The following NRG1 variants were observed in gnomAD, a reference collection of about 807,000 sequenced individuals.
NRG1 encodes pro-neuregulin-1, membrane-bound isoform.
Under a neutral mutation model 63.8 loss-of-function variants are expected in NRG1, and 18 were observed. The observed-to-expected ratio is 0.28, with a 90% confidence interval of 0.19 to 0.42. NRG1 has a LOEUF of 0.42. Among genes scored for constraint, NRG1 ranks in the 10% least tolerant of loss-of-function variants. The pLI, the probability that NRG1 is intolerant of heterozygous loss-of-function variation, is 1.00. For synonymous variants in NRG1, 302 were observed against 301.3 expected (o/e 1.00, Z -0.02); for missense variants, 762 against 814.7 (o/e 0.94, Z 0.79).
At chr8:31,791,818 T>G (rs536855871) in intron 1 of NRG1, among the ~76,000 whole-genome samples, 2 of 152,246 alleles carry the variant, frequency 1.3e-5, no homozygotes, top group South Asian at 4.1e-4. Context: ...TGGAATACAG[T>G]GGGAGATGAA....
At chr8:32,337,086 T>A (rs2129478002) in intron 1 of NRG1, among the ~76,000 whole-genome samples, 1 of 152,156 alleles carries the variant, frequency 6.6e-6, no homozygotes, top group South Asian at 2.1e-4. Context: ...CATAGCCCAC[T>A]ATAATCTCAA....
At chr8:32,765,849 G>T (rs747667822) in exon 12 of NRG1, 6 of 152,058 alleles carry the variant, frequency 3.9e-5, no homozygotes, top group African/African-American at 7.2e-5. Context: ...AGCATTGCAT[G>T]TTCTTTTGTG....
intron 1 of NRG1, among the ~76,000 whole-genome samples, chr8:32,455,622 T>A (rs1369943280): frequency 1.3e-5 from 2 of 152,194 alleles, no homozygotes; most frequent in African/African-American, 4.8e-5. Context: ...AAAATATTTT[T>A]AAAAAATCAA....
chr8:32,501,154 C>G (rs1827806885), intron 1 of NRG1, among the ~76,000 whole-genome samples: 1 of 152,128 alleles, frequency 6.6e-6, no homozygotes, highest in Admixed American at 6.5e-5. Context: ...CTGTGAATGA[C>G]AATGACTTAA....
At chr8:32,480,517 G>T (rs763117962) in intron 1 of NRG1, among the ~76,000 whole-genome samples, 1 of 152,028 alleles carries the variant, frequency 6.6e-6, no homozygotes, top group Non-Finnish European at 1.5e-5. Flanking sequence ...ACGAGGCAAG[G>T]TGATGGAGAT....
At chr8:32,023,933 C>G (rs1586550644) in intron 1 of NRG1, among the ~76,000 whole-genome samples, 1 of 152,130 alleles carries the variant, frequency 6.6e-6, no homozygotes, top group African/African-American at 2.4e-5. Flanking sequence ...ATTGGAATAC[C>G]GCTGGGTTAG....
At chr8:32,465,928 C>T (rs1291311596) in intron 1 of NRG1, among the ~76,000 whole-genome samples, 2 of 152,026 alleles carry the variant, frequency 1.3e-5, no homozygotes, top group African/African-American at 2.4e-5. Context: ...GTTAGCAATA[C>T]AAATAAACAA....
At chr8:31,728,749 A>G (rs1813711372) in intron 1 of NRG1, among the ~76,000 whole-genome samples, 1 of 152,232 alleles carries the variant, frequency 6.6e-6, no homozygotes, top group Non-Finnish European at 1.5e-5. Context: ...AAGAAGGTCA[A>G]AGGTAAATGC....
chr8:32,447,986 G>C (rs1210770696), intron 1 of NRG1, among the ~76,000 whole-genome samples: 1 of 152,096 alleles, frequency 6.6e-6, no homozygotes, highest in Non-Finnish European at 1.5e-5. Context: ...AATTTTTATA[G>C]GTAATCATTA....
intron 1 of NRG1, among the ~76,000 whole-genome samples, chr8:31,867,936 A>G (rs571608728): frequency 6.6e-6 from 1 of 152,070 alleles, no homozygotes; most frequent in East Asian, 1.9e-4. Context: ...GGCCAACTGT[A>G]TTGGACCAAC....
At chr8:31,827,261 G>A (rs1029591921) in intron 1 of NRG1, among the ~76,000 whole-genome samples, 1 of 152,206 alleles carries the variant, frequency 6.6e-6, no homozygotes, top group South Asian at 2.1e-4. Flanking sequence ...AGAAGTGTCA[G>A]ATAGTTTCTG....
chr8:32,368,407 T>C (rs865788341), intron 1 of NRG1, among the ~76,000 whole-genome samples: 1 of 148,436 alleles, frequency 6.7e-6, no homozygotes, highest in Non-Finnish European at 1.5e-5. Context: ...TGTCTCTAAA[T>C]TTTTTTTTTT....
intron 1 of NRG1, among the ~76,000 whole-genome samples, chr8:31,847,292 A>G (rs1826780421): frequency 6.8e-6 from 1 of 146,114 alleles, no homozygotes; most frequent in Non-Finnish European, 1.5e-5. Flanking sequence ...CTAAGACTTT[A>G]AAAGACATTA....
chr8:32,175,224 C>A (rs998248167), intron 1 of NRG1, among the ~76,000 whole-genome samples: 4 of 152,104 alleles, frequency 2.6e-5, no homozygotes. Flanking sequence ...GAACCAATGA[C>A]AAAAACCATA....
At chr8:32,385,148 T>C (rs1810836742) in intron 1 of NRG1, among the ~76,000 whole-genome samples, 1 of 151,870 alleles carries the variant, frequency 6.6e-6, no homozygotes, top group African/African-American at 2.4e-5. Context: ...GCCTCCCGAG[T>C]AGCTGGGACT....
chr8:32,583,724 G>A (rs1226352918), intron 1 of NRG1, among the ~76,000 whole-genome samples: 3 of 152,178 alleles, frequency 2.0e-5, no homozygotes, highest in Non-Finnish European at 4.4e-5. Flanking sequence ...TCACCCAGAA[G>A]GCATTTCTTA....
chr8:31,803,566 A>G (rs1821995346), intron 1 of NRG1, among the ~76,000 whole-genome samples: 1 of 152,170 alleles, frequency 6.6e-6, no homozygotes, highest in Non-Finnish European at 1.5e-5. Flanking sequence ...ACTGCTACCC[A>G]CCAAAATCCC....
intron 1 of NRG1, among the ~76,000 whole-genome samples, chr8:32,458,859 A>G (rs1821947373): frequency 6.6e-6 from 1 of 152,222 alleles, no homozygotes; most frequent in African/African-American, 2.4e-5. Context: ...TATAGTAGGC[A>G]AAACTATGAA....
intron 1 of NRG1, among the ~76,000 whole-genome samples, chr8:32,156,034 C>T (rs1838025261): frequency 6.6e-6 from 1 of 152,152 alleles, no homozygotes; most frequent in South Asian, 2.1e-4. Context: ...CAATGTCACC[C>T]CACTGAATGG....
Sources: allele counts gnomAD v4.1 joint callset (sites outside exome capture counted in the v4.1 genomes callset), GRCh38; gene constraint gnomAD v4.1.1; transcripts MANE v1.5; gene names NCBI Gene and HGNC (gene_info 2026-07-23, HGNC 2026-07-21).